The following LINGO2 variants were observed in gnomAD, a reference collection of about 807,000 sequenced individuals.
LINGO2 encodes the protein leucine-rich repeat and immunoglobulin-like domain-containing nogo receptor-interacting protein 2.
LINGO2 carries 14 observed loss-of-function variants against 30.6 expected under a neutral mutation model. The observed-to-expected ratio is 0.46, with a 90% confidence interval of 0.30 to 0.72. The LOEUF is 0.72. Ranked by LOEUF, LINGO2 falls within the 30% of genes least tolerant of loss-of-function variation. The pLI, the probability that LINGO2 is intolerant of heterozygous loss-of-function variation, is 0.07. For missense variants in LINGO2, 729 were observed against 751.7 expected, an observed-to-expected ratio of 0.97 and a Z score of 0.35; for synonymous variants, 317 against 288.5, an observed-to-expected ratio of 1.10 and a Z score of -1.00.
the LINGO2 span, among the ~76,000 whole-genome samples, chr9:29,068,802 G>A: frequency 2.0e-5 from 3 of 151,808 alleles, no homozygotes; most frequent in African/African-American, 7.2e-5. Context: ...CTTAGAAATG[G>A]AAGCACAAAT....
intron 2 of LINGO2, among the ~76,000 whole-genome samples, chr9:28,377,622 T>C (rs1041500292): frequency 1.3e-5 from 2 of 152,276 alleles, no homozygotes; most frequent in Admixed American, 6.5e-5. Context: ...CACATGTCTA[T>C]ATATCCTATA....
chr9:28,227,468 T>A (rs904593331), intron 4 of LINGO2, among the ~76,000 whole-genome samples: 1 of 152,106 alleles, frequency 6.6e-6, no homozygotes, highest in Non-Finnish European at 1.5e-5. Context: ...ACACAATTAG[T>A]TGTACTTCTC....
At chr9:28,875,512 C>T in the LINGO2 span, among the ~76,000 whole-genome samples, 31 of 152,100 alleles carry the variant, frequency 2.0e-4, no homozygotes, top group South Asian at 6.4e-3. Context: ...CAAGAGTATC[C>T]TTTATAGCTA....
intron 4 of LINGO2, among the ~76,000 whole-genome samples, chr9:28,165,084 A>G (rs1587120754): frequency 1.3e-5 from 2 of 152,318 alleles, no homozygotes; most frequent in South Asian, 2.1e-4. Context: ...ATTAGTTTCT[A>G]AAACAAAAAC....
At chr9:28,152,420 G>A (rs1349640) in intron 4 of LINGO2, among the ~76,000 whole-genome samples, 13,244 of 152,038 alleles carry the variant, frequency 0.087, 672 homozygotes, top group Middle Eastern at 0.15. Context: ...AGATGCCAGC[G>A]CGCCATGGTT....
the LINGO2 span, among the ~76,000 whole-genome samples, chr9:28,978,887 T>C: frequency 2.6e-5 from 4 of 152,124 alleles, no homozygotes; most frequent in African/African-American, 9.7e-5. Context: ...AAAATGAATA[T>C]TCTCATTTTA....
chr9:27,979,054 T>C (rs1820734847), intron 5 of LINGO2, among the ~76,000 whole-genome samples: 1 of 152,022 alleles, frequency 6.6e-6, no homozygotes, highest in Non-Finnish European at 1.5e-5. Context: ...AATTTGAACA[T>C]TGGTCAGTCC....
At position 28,235,658 on chromosome 9, in the gene LINGO2, C is replaced by T. The variant is rs771001137; in HGVS notation, c.-87+59550G>A. Among the ~76,000 whole-genome samples the T allele has an allele frequency of 1.3e-4, 20 of 152,074 alleles. 1 individual carries two copies. The highest frequency in any genetic ancestry group is 3.2e-3 in the Middle Eastern group (1 of 316). On this transcript the variant is annotated intron_variant, in intron 4 of 5. Transcript: ENST00000379992. Reference sequence around the variant, plus strand: ...TAACAGAGATTGTAATAAAAAGAATCAAGCAGGAATTCTAGAGTTGAAAAA... The same window carrying T: ...TAACAGAGATTGTAATAAAAAGAATTAAGCAGGAATTCTAGAGTTGAAAAA...
the LINGO2 span, among the ~76,000 whole-genome samples, chr9:28,983,639 T>C: frequency 6.6e-6 from 1 of 151,840 alleles, no homozygotes; most frequent in African/African-American, 2.4e-5. Flanking sequence ...TTCTATTAAA[T>C]AAGTATTTAT....
chr9:29,007,070 T>C, the LINGO2 span, among the ~76,000 whole-genome samples: 1 of 152,128 alleles, frequency 6.6e-6, no homozygotes, highest in Non-Finnish European at 1.5e-5. Context: ...TTATTGACAA[T>C]ACCGTAAGTA....
the LINGO2 span, among the ~76,000 whole-genome samples, chr9:29,174,238 C>T: frequency 2.0e-5 from 3 of 152,112 alleles, no homozygotes; most frequent in African/African-American, 7.2e-5. Flanking sequence ...TGAAATAAAA[C>T]TGTATGCCAT....
intron 1 of LINGO2, among the ~76,000 whole-genome samples, chr9:28,490,983 C>T (rs1477013984): frequency 6.6e-6 from 1 of 151,978 alleles, no homozygotes; most frequent in Non-Finnish European, 1.5e-5. Flanking sequence ...AAAGAGAAAA[C>T]AATGTATATA....
intron 2 of LINGO2, among the ~76,000 whole-genome samples, chr9:28,451,840 T>C (rs1375595061): frequency 1.3e-5 from 2 of 151,812 alleles, no homozygotes; most frequent in South Asian, 2.1e-4. Context: ...GTACTGTCTT[T>C]TATAAAATTC....
the LINGO2 span, among the ~76,000 whole-genome samples, chr9:29,184,710 C>A: frequency 8.5e-4 from 129 of 151,156 alleles, no homozygotes; most frequent in African/African-American, 3.1e-3. Flanking sequence ...CTTCTCTCCT[C>A]CCTCCCTCCT....
the LINGO2 span, among the ~76,000 whole-genome samples, chr9:28,891,613 T>C: frequency 6.6e-6 from 1 of 151,934 alleles, no homozygotes; most frequent in South Asian, 2.1e-4. Context: ...GGGAACTGTT[T>C]CCACATTTCT....
chr9:28,002,326 A>G (rs1182946047), intron 5 of LINGO2, among the ~76,000 whole-genome samples: 1 of 152,068 alleles, frequency 6.6e-6, no homozygotes. Flanking sequence ...AAGCCTGTAA[A>G]ATTCATCTAT....
intron 4 of LINGO2, among the ~76,000 whole-genome samples, chr9:28,165,519 C>A (rs772282500): frequency 6.6e-6 from 1 of 152,164 alleles, no homozygotes; most frequent in Non-Finnish European, 1.5e-5. Context: ...ATTGCAATCT[C>A]AAATTCATTA....
intron 2 of LINGO2, among the ~76,000 whole-genome samples, chr9:28,403,017 A>G (rs1186367442): frequency 6.6e-6 from 1 of 152,116 alleles, no homozygotes; most frequent in Non-Finnish European, 1.5e-5. Flanking sequence ...AAATAATGAT[A>G]CCCTATCTAG....
chr9:28,665,329 G>A (rs566649350), intron 1 of LINGO2, among the ~76,000 whole-genome samples: 23 of 152,034 alleles, frequency 1.5e-4, no homozygotes, highest in South Asian at 1.0e-3. Context: ...TCACTACCAC[G>A]TATGCCATTA....
Sources: gnomAD v4.1 joint callset for allele counts (sites outside exome capture counted in the v4.1 genomes callset) on GRCh38, gnomAD v4.1.1 for gene constraint, MANE v1.5 for transcripts, NCBI Gene and HGNC (gene_info 2026-07-23, HGNC 2026-07-21) for gene names.